The following ELMOD2 variants were observed in gnomAD, a reference collection of about 807,000 sequenced individuals.
ELMOD2 encodes ELMO domain containing 2.
Under a neutral mutation model 41.0 loss-of-function variants are expected in ELMOD2, and 28 were observed. The observed-to-expected ratio is 0.68, with a 90% CI of 0.51 to 0.94. The LOEUF (loss-of-function observed/expected upper bound fraction) is 0.94, where lower values mean the gene tolerates loss of function less well. Among genes scored for constraint, ELMOD2 ranks in the 40% least tolerant of loss-of-function variants. The pLI, the probability that ELMOD2 is intolerant of heterozygous loss-of-function variation, is 0.00. For synonymous variants in ELMOD2, 106 were observed against 107.2 expected, an observed-to-expected ratio of 0.99 and a Z score of 0.07; for missense variants, 333 against 343.1, an observed-to-expected ratio of 0.97 and a Z score of 0.23.
intron 2 of ELMOD2, among the ~76,000 whole-genome samples, chr4:140,527,200 T>C (rs892973017): frequency 6.6e-5 from 10 of 152,216 alleles, no homozygotes; most frequent in Non-Finnish European, 1.5e-4. Flanking sequence ...GTAGACACTT[T>C]GGGGTCTAAA....
intron 5 of ELMOD2, among the ~76,000 whole-genome samples, chr4:140,539,766 T>C (rs1489540951): frequency 6.6e-6 from 1 of 152,218 alleles, no homozygotes; most frequent in Non-Finnish European, 1.5e-5. Flanking sequence ...TTCATGCTCT[T>C]CTGTCTTATA....
At chr4:140,546,596 A>C (rs1245714439) in intron 8 of ELMOD2, among the ~76,000 whole-genome samples, 1 of 151,452 alleles carries the variant, frequency 6.6e-6, no homozygotes, top group Non-Finnish European at 1.5e-5. Context: ...TTAAAAAATA[A>C]ATCTTCATAA....
At chr4:140,545,076 A>G (rs571483865) in intron 8 of ELMOD2, among the ~76,000 whole-genome samples, 1 of 152,012 alleles carries the variant, frequency 6.6e-6, no homozygotes, top group African/African-American at 2.4e-5. Context: ...GTTTTTATCT[A>G]ATTCCAATTT....
At chr4:140,546,342 T>C (rs1434397148) in intron 8 of ELMOD2, among the ~76,000 whole-genome samples, 1 of 147,782 alleles carries the variant, frequency 6.8e-6, no homozygotes, top group African/African-American at 2.5e-5. Context: ...GTTGTGGGGT[T>C]GGGGGAGTGG....
intron 8 of ELMOD2, among the ~76,000 whole-genome samples, chr4:140,545,313 C>G (rs1337659070): frequency 2.0e-5 from 3 of 152,156 alleles, no homozygotes; most frequent in African/African-American, 7.2e-5. Flanking sequence ...ACATCCACTG[C>G]CTTACTAGAT....
Position 140,550,229 on chromosome 4 carries a change from G to T in ELMOD2, c.737-1G>T. 6.2e-7 allele frequency: 1 copy of T among 1,607,142 alleles called. No homozygotes were observed. The highest frequency in any genetic ancestry group is 8.5e-7 in the Non-Finnish European group (1 of 1,176,328). Reference sequence around the variant, plus strand: ...AATGTTTTGTTTTTCTTTAACTGCAGGTTATCTTGTCTATGAATTTGACAA... The same window carrying T: ...AATGTTTTGTTTTTCTTTAACTGCATGTTATCTTGTCTATGAATTTGACAA... On this transcript the variant is annotated splice_acceptor_variant, in intron 8 of 8. Coordinates refer to ENST00000323570, the MANE Select transcript of ELMOD2 (RefSeq NM_153702.4). LOFTEE classifies it high-confidence loss of function.
At chr4:140,531,838 CTAAA>C (rs1734758163) in intron 3 of ELMOD2, among the ~76,000 whole-genome samples, 1 of 152,108 alleles carries the variant, frequency 6.6e-6, no homozygotes, top group Non-Finnish European at 1.5e-5. Context: ...GATTAAAAAT[CTAAA>C]TAGTAGTATA....
At chr4:140,544,736 CTG>C (rs1162698529) in intron 8 of ELMOD2, among the ~76,000 whole-genome samples, 1 of 152,166 alleles carries the variant, frequency 6.6e-6, no homozygotes, top group East Asian at 1.9e-4. Context: ...TCTCTTGACT[CTG>C]TGCCTTTGCA....
chr4:140,545,664 C>T (rs900611663), intron 8 of ELMOD2, among the ~76,000 whole-genome samples: 5 of 152,116 alleles, frequency 3.3e-5, no homozygotes, highest in Non-Finnish European at 7.4e-5. Flanking sequence ...GCGTGAGATG[C>T]TTTCCTTTAC....
At chr4:140,531,636 A>C (rs982644190) in intron 3 of ELMOD2, among the ~76,000 whole-genome samples, 7 of 152,236 alleles carry the variant, frequency 4.6e-5, no homozygotes, top group Admixed American at 1.3e-4. Context: ...TTACGGCATT[A>C]GTTTAGTTTT....
Position 140,548,701 on chromosome 4 carries a change from G to A in ELMOD2, c.737-1529G>A, listed in dbSNP as rs1472019297. ...ACCTCTCTTTCATCTTTGGTAGAGT[G>A]GGAATAACAACATAGTACTTGCATC... On this transcript the variant is annotated intron_variant, in intron 8 of 8. Coordinates refer to ENST00000323570, the MANE Select transcript of ELMOD2 (RefSeq NM_153702.4). Among the ~76,000 whole-genome samples, 5 of 152,190 alleles carry A rather than the reference G, an allele frequency of 3.3e-5. No individual in the cohort carries two copies. The East Asian group carries it at 7.7e-4, about 24-fold the overall frequency.
intron 3 of ELMOD2, among the ~76,000 whole-genome samples, chr4:140,535,018 T>C (rs972830640): frequency 6.6e-6 from 1 of 152,212 alleles, no homozygotes; most frequent in East Asian, 1.9e-4. Flanking sequence ...ACTCATATTA[T>C]CTCAGGATTG....
In ELMOD2 at chr4:140,535,752, ATGT is replaced by A. The variant is rs781286113; in HGVS notation, c.196_198del (p.Val66del). ...AAATAGGTTTTACAGAAGGCGACAC[ATGT>A]TGTTCAGAGTGAAGTGGACAAATAT... On this transcript the variant is annotated inframe_deletion, in exon 4 of 9. Coordinates refer to ENST00000323570, the MANE Select transcript of ELMOD2 (RefSeq NM_153702.4). 7.5e-6 allele frequency: 12 copies of A among 1,610,332 alleles called. No individual in the cohort carries two copies. The highest frequency in any genetic ancestry group is 1.3e-5 in the African/African-American group (1 of 74,708).
intron 1 of ELMOD2, 180 bp downstream of exon 1, chr4:140,524,460 C>T (rs531627054): frequency 2.1e-5 from 8 of 380,066 alleles, no homozygotes; most frequent in Non-Finnish European, 2.9e-5. Flanking sequence ...GGCGCAGAGA[C>T]GCCCAGAGCC....
In ELMOD2 at chr4:140,550,453, A is replaced by G; in HGVS notation, c.*78A>G. On this transcript the variant is annotated 3_prime_UTR_variant, in exon 9 of 9. Coordinates refer to ENST00000323570, the MANE Select transcript of ELMOD2 (RefSeq NM_153702.4). ...TATATGTTGTAATAGGAATTATCTG[A>G]TCAATTACACTCTTATATATAATTT... is the stretch of plus-strand genomic sequence containing the variant. The G allele has an allele frequency of 7.4e-7, 1 of 1,349,460 alleles. No homozygotes were observed. Among genetic ancestry groups the G allele is most frequent in the Non-Finnish European group, 1.0e-6 (1 of 993,816 alleles). 83.6% of individuals were successfully genotyped at this position (1,349,460 alleles called of 1,614,324 possible). A position where few individuals can be genotyped will look rare whatever the true frequency, so the allele number is the denominator to read the frequency against.
chr4:140,535,905 A>G, intron 4 of ELMOD2, 75 bp downstream of exon 4: 2 of 1,328,490 alleles, frequency 1.5e-6, no homozygotes, highest in South Asian at 2.7e-5. Context: ...ACACTGTTGT[A>G]ACACTTTAGA....
intron 8 of ELMOD2, among the ~76,000 whole-genome samples, chr4:140,549,825 A>C (rs1045279481): frequency 6.6e-6 from 1 of 151,628 alleles, no homozygotes; most frequent in Non-Finnish European, 1.5e-5. Flanking sequence ...AGCTGGGACA[A>C]TAGGCGCATG....
chr4:140,525,523 A>G lies in ELMOD2; in HGVS notation c.95A>G (p.Gln32Arg), dbSNP rs537745308. The G allele has an allele frequency of 4.9e-5, 79 of 1,613,858 alleles. 1 individual carries two copies. The Middle Eastern group carries it at 9.9e-4, about 20-fold the overall frequency. Reference sequence around the variant, plus strand: ...CAGATGACTGGGAAGTGTGAATTGCAGCGAATATTTGATACCTATGTAGGT... The same window carrying G: ...CAGATGACTGGGAAGTGTGAATTGCGGCGAATATTTGATACCTATGTAGGT... ...LRQMTGKCEL[Q>R]RIFDTYVGAQ... Residue 32 changes from glutamine to arginine, a missense_variant, in exon 2 of 9, where the codon CAG (glutamine) becomes CGG (arginine). Physicochemically the swap from Gln to Arg is conservative, Grantham distance 43. Transcript: ENST00000323570.
intron 5 of ELMOD2, among the ~76,000 whole-genome samples, chr4:140,538,761 T>G (rs1053776293): frequency 9.8e-5 from 15 of 152,334 alleles, no homozygotes; most frequent in African/African-American, 3.6e-4. Flanking sequence ...GTAATCTGTC[T>G]TGCTTTAAGT....
Sources: gnomAD v4.1 joint callset for allele counts (sites outside exome capture counted in the v4.1 genomes callset) on GRCh38, gnomAD v4.1.1 for gene constraint, MANE v1.5 for transcripts, NCBI Gene and HGNC (gene_info 2026-07-23, HGNC 2026-07-21) for gene names.